The following COG5 variants were observed in gnomAD, a reference collection of about 807,000 sequenced individuals.
COG5 encodes component of oligomeric golgi complex 5, also known as conserved oligomeric Golgi complex subunit 5.
COG5 carries 86 observed loss-of-function variants against 110.4 expected under a neutral mutation model. That is an observed-to-expected ratio of 0.78 (90% CI 0.65 to 0.93). The LOEUF is 0.93. Ranked by LOEUF, COG5 falls within the 40% of genes least tolerant of loss-of-function variation. The pLI is 0.00. For synonymous variants in COG5, 360 were observed against 334.6 expected (o/e 1.08, Z -0.83); for missense variants, 1,077 against 987.0 (o/e 1.09, Z -1.22).
At chr7:107,425,148 C>T (rs1416656021) in intron 6 of COG5, among the ~76,000 whole-genome samples, 2 of 152,054 alleles carry the variant, frequency 1.3e-5, no homozygotes, top group African/African-American at 4.8e-5. Context: ...AAGACTAAAA[C>T]CCATGGAACA....
chr7:107,408,236 A>G (rs1190832572), intron 7 of COG5, among the ~76,000 whole-genome samples: 1 of 152,218 alleles, frequency 6.6e-6, no homozygotes, highest in East Asian at 1.9e-4. Context: ...CTGCCTCAAC[A>G]GCAGAGTTCA....
intron 10 of COG5, among the ~76,000 whole-genome samples, chr7:107,345,496 T>C (rs1020229752): frequency 2.4e-4 from 36 of 151,474 alleles, no homozygotes; most frequent in African/African-American, 8.7e-4. Context: ...ATTCAATTTA[T>C]ATAAGGTATC....
intron 6 of COG5, among the ~76,000 whole-genome samples, chr7:107,441,291 T>C (rs1026901025): frequency 4.1e-5 from 6 of 145,518 alleles, no homozygotes; most frequent in Admixed American, 6.8e-5. Flanking sequence ...TTACCAATCC[T>C]GAGGAGGGAG....
intron 6 of COG5, among the ~76,000 whole-genome samples, chr7:107,469,657 T>C (rs985692137): frequency 9.9e-5 from 15 of 152,118 alleles, no homozygotes; most frequent in Admixed American, 1.3e-4. Flanking sequence ...GGGTTTCTAT[T>C]TGTAGAACAA....
intron 6 of COG5, among the ~76,000 whole-genome samples, chr7:107,417,792 T>C (rs182261021): frequency 2.0e-5 from 3 of 152,280 alleles, no homozygotes; most frequent in East Asian, 3.9e-4. Flanking sequence ...AGCTGAATAC[T>C]GTTTATTAAC....
chr7:107,384,492 T>C (rs1374519521), intron 7 of COG5, among the ~76,000 whole-genome samples: 1 of 152,198 alleles, frequency 6.6e-6, no homozygotes, highest in African/African-American at 2.4e-5. Context: ...CCAGGGACTC[T>C]GGCTTTGCGA....
chr7:107,222,953 T>TGTCA (rs770178718), intron 19 of COG5, among the ~76,000 whole-genome samples: 9 of 152,284 alleles, frequency 5.9e-5, no homozygotes, highest in African/African-American at 1.7e-4. Context: ...GCTATGCAGC[T>TGTCA]GTCAGTCTTC....
chr7:107,397,863 GA>G (rs1165893997), intron 7 of COG5, among the ~76,000 whole-genome samples: 1 of 151,588 alleles, frequency 6.6e-6, no homozygotes, highest in Non-Finnish European at 1.5e-5. Flanking sequence ...AGACTGACAG[GA>G]AATTAAATAA....
At chr7:107,305,504 A>C (rs771508219) in intron 11 of COG5, among the ~76,000 whole-genome samples, 7 of 152,138 alleles carry the variant, frequency 4.6e-5, no homozygotes, top group Non-Finnish European at 1.0e-4. Context: ...TGCCATAAAC[A>C]TTAACTGCTT....
At chr7:107,428,168 G>T (rs141384320) in intron 6 of COG5, among the ~76,000 whole-genome samples, 1 of 152,050 alleles carries the variant, frequency 6.6e-6, no homozygotes, top group Non-Finnish European at 1.5e-5. Flanking sequence ...TATGGTATGC[G>T]GATTTATATA....
intron 21 of COG5, chr7:107,209,727 T>C: frequency 1.3e-6 from 1 of 755,260 alleles, no homozygotes; most frequent in Non-Finnish European, 1.6e-6. Flanking sequence ...TCGGCTTACT[T>C]CGTATCCTCG....
At chr7:107,393,910 TTATAA>T (rs1172560231) in intron 7 of COG5, among the ~76,000 whole-genome samples, 1 of 152,140 alleles carries the variant, frequency 6.6e-6, no homozygotes, top group Non-Finnish European at 1.5e-5. Flanking sequence ...ACCTCATAGA[TTATAA>T]TATAAAATTT....
intron 16 of COG5, among the ~76,000 whole-genome samples, chr7:107,255,506 G>T (rs1382621478): frequency 6.6e-6 from 1 of 151,788 alleles, no homozygotes; most frequent in African/African-American, 2.4e-5. Flanking sequence ...TCCCCTTTAG[G>T]ATTTGTGACA....
intron 6 of COG5, among the ~76,000 whole-genome samples, chr7:107,454,332 A>G (rs1795530752): frequency 6.6e-6 from 1 of 152,204 alleles, no homozygotes; most frequent in South Asian, 2.1e-4. Flanking sequence ...TACCTCTGGG[A>G]GTTGCAGGCT....
At chr7:107,485,462 T>C (rs1299461272) in intron 6 of COG5, among the ~76,000 whole-genome samples, 1 of 152,234 alleles carries the variant, frequency 6.6e-6, no homozygotes, top group Non-Finnish European at 1.5e-5. Context: ...ATTATTCTTC[T>C]ATGGGTACTA....
chr7:107,423,926 A>T (rs1226994205), intron 6 of COG5, among the ~76,000 whole-genome samples: 1 of 152,212 alleles, frequency 6.6e-6, no homozygotes, highest in Admixed American at 6.5e-5. Context: ...GCAGGAAAAC[A>T]ATGAACAGAT....
chr7:107,206,988 GA>G (rs568684123), intron 21 of COG5, among the ~76,000 whole-genome samples: 3 of 144,488 alleles, frequency 2.1e-5, no homozygotes, highest in Admixed American at 7.0e-5. Flanking sequence ...TCCTTATTGA[GA>G]AAAAAAACAC....
At chr7:107,454,351 A>G (rs1377795632) in intron 6 of COG5, among the ~76,000 whole-genome samples, 2 of 152,150 alleles carry the variant, frequency 1.3e-5, no homozygotes, top group East Asian at 1.9e-4. Context: ...CTGCACCATG[A>G]TTCTATTCTT....
intron 6 of COG5, among the ~76,000 whole-genome samples, chr7:107,413,527 G>GA (rs1230424378): frequency 1.4e-5 from 2 of 138,010 alleles, no homozygotes; most frequent in Admixed American, 7.1e-5. Context: ...GCAACAGAGG[G>GA]AAAAAAACAC....
Sources: allele counts gnomAD v4.1 joint callset (sites outside exome capture counted in the v4.1 genomes callset), GRCh38; gene constraint gnomAD v4.1.1; transcripts MANE v1.5; gene names NCBI Gene and HGNC (gene_info 2026-07-23, HGNC 2026-07-21).